The following PRAM1 variants were observed in gnomAD, a reference collection of about 807,000 sequenced individuals.
The protein encoded by PRAM1 is PML-RARA regulated adaptor molecule 1.
In PRAM1, 41 loss-of-function variants were observed where a neutral mutation model predicts 55.3. The ratio of observed to expected loss-of-function variants is 0.74; its 90% confidence interval spans 0.58 to 0.96. PRAM1 has a LOEUF of 0.96. Ranked by LOEUF, PRAM1 falls within the 40% of genes least tolerant of loss-of-function variation. The pLI is 0.00. For missense variants in PRAM1, 898 were observed against 892.7 expected, an observed-to-expected ratio of 1.01 and a Z score of -0.08; for synonymous variants, 401 against 387.1, an observed-to-expected ratio of 1.04 and a Z score of -0.42.
rs531343542 is a variant in PRAM1, at chr19:8,498,249, C to T, written c.1473G>A (p.Gln491=). 4.5e-5 allele frequency: 73 copies of T among 1,612,962 alleles called. No homozygotes were observed. In the South Asian group the frequency reaches 7.9e-4, roughly 18 times the overall value. Residue 491 remains glutamine (Q), a synonymous_variant, in exon 3 of 10, where the codon CAG becomes CAA. Coordinates refer to ENST00000423345, the MANE Select transcript of PRAM1 (RefSeq NM_032152.5). ...RTRSAAGLHF[Q]DRQPEDIPQV... is the part of the protein sequence containing the mutation. ...GCGGGATGTCTTCAGGCTGTCGGTC[C>T]TGGAAGTGGAGCCCAGCGGCCGAGC...
rs1175406563 is a variant in PRAM1, at chr19:8,490,422, C to G, written c.1941-50G>C. 1.2e-6 allele frequency: 2 copies of G among 1,613,700 alleles called. No individual in the cohort carries two copies. The highest frequency in any genetic ancestry group is 1.7e-6 in the Non-Finnish European group (2 of 1,179,802). ...AAGGGGCACCGTGGCCCATTCCCCC[C>G]ACCCTGCACCACACACCCCGCACTC... is the stretch of plus-strand genomic sequence containing the variant. On this transcript the variant is annotated intron_variant, in intron 8 of 9. Transcript: ENST00000423345. The surrounding 1 kb of genome is among the most constrained non-coding windows in gnomAD (Gnocchi z 7.3).
intron 4 of PRAM1, among the ~76,000 whole-genome samples, chr19:8,496,886 C>T (rs532115700): frequency 2.9e-4 from 44 of 152,212 alleles, no homozygotes; most frequent in Non-Finnish European, 4.7e-4. Context: ...ATTAGCTGGG[C>T]GCGGTGGTGG....
chr19:8,499,411 G>A lies in PRAM1; in HGVS notation c.397C>T (p.Gln133Ter), dbSNP rs1346695383. 2.6e-5 allele frequency: 42 copies of A among 1,612,594 alleles called. No individual in the cohort carries two copies. The highest frequency in any genetic ancestry group is 3.6e-5 in the Non-Finnish European group (42 of 1,179,870). Reference protein sequence around the residue: ...ELSDLSKKFPQLGATPFPRKP... With the variant: ...ELSDLSKKFP ...CTTGGAAACGGAGTGGCCCCCAGCT[G>A]TGGGAACTTCTTGGAGAGGTCACTC... The change falls in exon 2 of 10, where the codon CAG becomes TAG. Residue 133 changes from glutamine to a stop codon, truncating the protein, a stop_gained. Coordinates refer to ENST00000423345, the MANE Select transcript of PRAM1 (RefSeq NM_032152.5). LOFTEE classifies it high-confidence loss of function.
rs755575403 is a variant in PRAM1, at chr19:8,498,278, T to C, written c.1444A>G (p.Thr482Ala). 6 of 1,612,150 alleles carry C rather than the reference T, an allele frequency of 3.7e-6. No individual in the cohort carries two copies. The South Asian group carries it at 6.6e-5, about 18-fold the overall frequency. ...AAGTGGAGCCCAGCGGCCGAGCGGG[T>C]CCTCCGTAGATCTGTGGGGTAGAGA... ...PSAASIDLRR[T>A]RSAAGLHFQD... The change falls in exon 3 of 10, where the codon ACC (threonine) becomes GCC (alanine). Residue 482 changes from threonine (T) to alanine (A), a missense_variant. Thr to Ala is a moderately conservative substitution (Grantham distance 58). Coordinates refer to ENST00000423345, the MANE Select transcript of PRAM1 (RefSeq NM_032152.5).
chr19:8,499,593 G>A lies in PRAM1; in HGVS notation c.215C>T (p.Pro72Leu), dbSNP rs201944123. The change falls in exon 2 of 10, where the codon CCG (proline) becomes CTG (leucine). Residue 72 changes from proline (P) to leucine (L), a missense_variant. By Grantham distance (98) the Pro-to-Leu change is moderately conservative. This residue lies in a region of PRAM1 where 79 missense variants were observed against 93.4 expected (regional missense o/e 0.85). Transcript: ENST00000423345. ...PEFGAVSLKP[P>L]PPEVTDLPKK... ...GGGGAGGTCAGTGACCTCAGGCGGCGGGGGCTTCAAGGACACTGCACCAAA... is the reference window on the plus strand; with the variant it reads ...GGGGAGGTCAGTGACCTCAGGCGGCAGGGGCTTCAAGGACACTGCACCAAA... 6 of 1,608,942 alleles carry A rather than the reference G, an allele frequency of 3.7e-6. No homozygotes were observed. The African/African-American group carries it at 4.2e-5, about 11-fold the overall frequency.
In PRAM1 at chr19:8,499,375, G is replaced by T; in HGVS notation, c.433C>A (p.Gln145Lys). The T allele has an allele frequency of 1.2e-6, 2 of 1,613,078 alleles. No individual in the cohort carries two copies. Among genetic ancestry groups the T allele is most frequent in the Non-Finnish European group, 1.7e-6 (2 of 1,179,834 alleles). ...GATPFPRKPL[Q>K]PEVGEAPLKA... ...AAAGGGGCCTCACCGACCTCAGGCT[G>T]CAGGGGCTTCCTTGGAAACGGAGTG... The change falls in exon 2 of 10, where the codon CAG becomes AAG. Residue 145 changes from glutamine (Q) to lysine (K), a missense_variant. Physicochemically the swap from Gln to Lys is moderately conservative, Grantham distance 53. Around this residue, in one of 4 missense-constraint regions of PRAM1, gnomAD observed 787 missense variants for 735.4 expected, o/e 1.07. Transcript: ENST00000423345.
At position 8,497,779 on chromosome 19, in the gene PRAM1, T is replaced by C; in HGVS notation, c.1561A>G (p.Ser521Gly). The C allele has an allele frequency of 6.2e-7, 1 of 1,609,972 alleles. No individual in the cohort carries two copies. The highest frequency in any genetic ancestry group is 8.5e-7 in the Non-Finnish European group (1 of 1,178,596). ...DVEPRDDSSP[S>G]PKGRDEAPSV... ...ACCAACAAACCTCTGCCCTTGGGGCTGGGGCTGGAGTCATCTCTGGGTTCC... is the reference window on the plus strand; with the variant it reads ...ACCAACAAACCTCTGCCCTTGGGGCCGGGGCTGGAGTCATCTCTGGGTTCC... The change falls in exon 4 of 10, where the codon AGC becomes GGC. Residue 521 changes from serine to glycine, a missense_variant. Ser to Gly is a moderately conservative substitution (Grantham distance 56). Coordinates refer to ENST00000423345, the MANE Select transcript of PRAM1 (RefSeq NM_032152.5).
Position 8,499,830 on chromosome 19 carries a change from C to T in PRAM1, c.28-50G>A. On this transcript the variant is annotated intron_variant, in intron 1 of 9. Coordinates refer to ENST00000423345, the MANE Select transcript of PRAM1 (RefSeq NM_032152.5). ...CAGGGGCTCAAACACACAGAAGGGG[C>T]ATGGAAGGATGGGCCTGGGGACCCT... The T allele has an allele frequency of 2.0e-6, 3 of 1,478,476 alleles. No individual in the cohort carries two copies. In the South Asian group the frequency reaches 3.8e-5, roughly 19 times the overall value. 91.6% of individuals were successfully genotyped at this position (1,478,476 alleles called of 1,614,324 possible). A position where few individuals can be genotyped will look rare whatever the true frequency, so the allele number is the denominator to read the frequency against.
In PRAM1 at chr19:8,499,152, G is replaced by C. The variant is rs763455103; in HGVS notation, c.656C>G (p.Pro219Arg). The C allele has an allele frequency of 4.3e-6, 7 of 1,613,846 alleles. No homozygotes were observed. Among genetic ancestry groups the C allele is most frequent in the South Asian group, 1.1e-5 (1 of 91,078 alleles). ...LSTFPKKPAQ[P>R]EFNVYPKKPP... is the part of the protein sequence containing the mutation. ...CTTTTTGGGGTACACGTTGAACTCAGGCTGCGCAGGCTTCTTGGGAAAGGT... is the reference window on the plus strand; with the variant it reads ...CTTTTTGGGGTACACGTTGAACTCACGCTGCGCAGGCTTCTTGGGAAAGGT... The change falls in exon 2 of 10, where the codon CCT becomes CGT. Residue 219 changes from proline (P) to arginine (R), a missense_variant. This residue lies in a region of PRAM1 where 787 missense variants were observed against 735.4 expected (regional missense o/e 1.07). Coordinates refer to ENST00000423345, the MANE Select transcript of PRAM1 (RefSeq NM_032152.5).
At chr19:8,495,570 T>C (rs761446639) in intron 4 of PRAM1, among the ~76,000 whole-genome samples, 2 of 152,094 alleles carry the variant, frequency 1.3e-5, no homozygotes, top group Admixed American at 6.6e-5. Context: ...TGGGGGTGCA[T>C]TGCCTTACTG....
chr19:8,499,633 C>G lies in PRAM1; in HGVS notation c.175G>C (p.Ala59Pro), dbSNP rs55837738. 6.8e-6 allele frequency: 11 copies of G among 1,612,534 alleles called. No individual in the cohort carries two copies. Among genetic ancestry groups the G allele is most frequent in the Non-Finnish European group, 9.3e-6 (11 of 1,179,232 alleles). ...QPELSEHPKK[A>P]PLPEFGAVSL... ...ACTGCACCAAACTCAGGCAGCGGGG[C>G]CTTCTTGGGGTGCTCGCTTAGCTCA... The change falls in exon 2 of 10, where the codon GCC becomes CCC. Residue 59 changes from alanine to proline, a missense_variant. Transcript: ENST00000423345.
chr19:8,499,355 G>A lies in PRAM1; in HGVS notation c.453C>T (p.Ala151=), dbSNP rs1971764992. The A allele has an allele frequency of 6.2e-7, 1 of 1,612,562 alleles. No individual in the cohort carries two copies. Among genetic ancestry groups the A allele is most frequent in the Admixed American group, 1.7e-5 (1 of 59,894 alleles). ...GCTCCGGCAGCGAGGCCTTCAAAGG[G>A]GCCTCACCGACCTCAGGCTGCAGGG... The part of the protein sequence containing the change: ...RKPLQPEVGE[A]PLKASLPEPG... The change falls in exon 2 of 10, where the codon GCC becomes GCT. Residue 151 remains alanine (A), a synonymous_variant. Transcript: ENST00000423345.
chr19:8,498,248 C>T lies in PRAM1; in HGVS notation c.1474G>A (p.Asp492Asn). 6.2e-7 allele frequency: 1 copy of T among 1,612,910 alleles called. No homozygotes were observed. The change falls in exon 3 of 10, where the codon GAC becomes AAC. Residue 492 changes from aspartate (D) to asparagine (N), a missense_variant. Asp to Asn is a conservative substitution (Grantham distance 23). Transcript: ENST00000423345. ...TRSAAGLHFQ[D>N]RQPEDIPQVP... ...TGCGGGATGTCTTCAGGCTGTCGGT[C>T]CTGGAAGTGGAGCCCAGCGGCCGAG...
chr19:8,498,486 C>T lies in PRAM1; in HGVS notation c.1322G>A (p.Arg441Gln), dbSNP rs974380189. The T allele has an allele frequency of 6.3e-7, 1 of 1,591,698 alleles. No homozygotes were observed. ...PGLRPSHPPR[R>Q]RPLPPASSLG... is the part of the protein sequence containing the mutation. ...GCTGCTGGCAGGGGGCAGAGGCCTC[C>T]GCCGGGGTGGATGGCTGGGTCTGAG... Residue 441 changes from arginine to glutamine, a missense_variant, in exon 2 of 10, where the codon CGG (arginine) becomes CAG (glutamine). Arg to Gln is a conservative substitution (Grantham distance 43). Coordinates refer to ENST00000423345, the MANE Select transcript of PRAM1 (RefSeq NM_032152.5).
intron 1 of PRAM1, 36 bp downstream of exon 1, chr19:8,502,529 C>T (rs1441821860): frequency 2.1e-6 from 3 of 1,442,592 alleles, no homozygotes; most frequent in Admixed American, 2.1e-5. Context: ...CCCTTGCTTC[C>T]CAGCCAGTGA....
At position 8,502,616 on chromosome 19, in the gene PRAM1, G is replaced by A. The variant is rs968501; in HGVS notation, c.-25C>T. 0.19 allele frequency: 287,839 copies of A among 1,541,306 alleles called. 33,879 individuals are homozygous for A. Among genetic ancestry groups the A allele is most frequent in the African/African-American group, 0.58 (41,893 of 72,504 alleles). On this transcript the variant is annotated 5_prime_UTR_variant, in exon 1 of 10. Transcript: ENST00000423345. ...TGGGATGAGTGGGACCCGAGCTGGG[G>A]CCGCTGCCTTCAGGAAGTGACTGTG... is the stretch of plus-strand genomic sequence containing the variant.
At chr19:8,495,577 A>G (rs559748197) in intron 4 of PRAM1, among the ~76,000 whole-genome samples, 1 of 152,214 alleles carries the variant, frequency 6.6e-6, no homozygotes, top group South Asian at 2.1e-4. Context: ...GCATTGCCTT[A>G]CTGCCCTGTG....
chr19:8,494,040 C>T (rs143034353), intron 4 of PRAM1, among the ~76,000 whole-genome samples: 3 of 152,176 alleles, frequency 2.0e-5, no homozygotes, highest in Non-Finnish European at 2.9e-5. Context: ...TCAACTGATC[C>T]GCCTGCCTCC....
chr19:8,495,323 C>A (rs1488880467), intron 4 of PRAM1, among the ~76,000 whole-genome samples: 1 of 152,136 alleles, frequency 6.6e-6, no homozygotes, highest in East Asian at 1.9e-4. Context: ...TGGTCTCGAA[C>A]TCCTGACCTC....
Sources: gnomAD v4.1 joint callset for allele counts (sites outside exome capture counted in the v4.1 genomes callset) on GRCh38, gnomAD v4.1.1 for gene constraint, gnomAD v4.1.1 regional missense constraint, Gnocchi (gnomAD v3.1) non-coding constraint, MANE v1.5 for transcripts, NCBI Gene and HGNC (gene_info 2026-07-23, HGNC 2026-07-21) for gene names.